Variants in DLGAP1 observed in about 807,000 individuals in gnomAD.
The protein encoded by DLGAP1 is DLG associated protein 1, also known as disks large-associated protein 1.
Under a neutral mutation model 90.8 loss-of-function variants are expected in DLGAP1, and 11 were observed. The observed-to-expected ratio is 0.12, with a 90% CI of 0.08 to 0.20. The LOEUF (loss-of-function observed/expected upper bound fraction) is 0.20, where lower values mean the gene tolerates loss of function less well. Among genes scored for constraint, DLGAP1 ranks in the 10% least tolerant of loss-of-function variants. The probability of loss-of-function intolerance (pLI) is 1.00; values close to 1 mark genes in which losing one functional copy is unlikely to be tolerated. For missense variants in DLGAP1, 1,050 were observed against 1,333.8 expected, an observed-to-expected ratio of 0.79 and a Z score of 3.31; for synonymous variants, 558 against 540.7, an observed-to-expected ratio of 1.03 and a Z score of -0.44.
At chr18:3,888,604 C>T (rs1045948539) in intron 3 of DLGAP1, among the ~76,000 whole-genome samples, 10 of 150,890 alleles carry the variant, frequency 6.6e-5, no homozygotes, top group Admixed American at 2.0e-4. Context: ...AATTTGGTCA[C>T]AGTAGGCAGC....
Position 4,228,791 on chromosome 18 carries a change from T to C in DLGAP1, c.-266-77504A>G, listed in dbSNP as rs151094885. On this transcript the variant is annotated intron_variant, in intron 1 of 12. Transcript: ENST00000315677. Reference sequence around the variant, plus strand: ...TCTAAGATCTGGTAAGCAACAAGCATGTACACTTTCAGCACTTTTATTCAA... The same window carrying C: ...TCTAAGATCTGGTAAGCAACAAGCACGTACACTTTCAGCACTTTTATTCAA... Among the ~76,000 whole-genome samples, 1,006 of 152,050 alleles carry C rather than the reference T, an allele frequency of 6.6e-3. 9 individuals carry two copies. The highest frequency in any genetic ancestry group is 0.023 in the African/African-American group (955 of 41,516).
intron 7 of DLGAP1, among the ~76,000 whole-genome samples, chr18:3,715,036 G>C (rs2061717596): frequency 6.6e-6 from 1 of 152,170 alleles, no homozygotes; most frequent in Admixed American, 6.5e-5. Context: ...ACAAAATATG[G>C]GTTGGGAATT....
rs2059659968 is a variant in DLGAP1, at chr18:3,660,925, GA to G, written c.1591+68209del. ...CAAATTATGACAGCAATGTTCACAG[GA>G]AACTGTATGATAAGGCACAATAGAG... On this transcript the variant is annotated intron_variant, in intron 7 of 12. Coordinates refer to ENST00000315677, the MANE Select transcript of DLGAP1 (RefSeq NM_004746.4). This position sits in a 1 kb window ranked among gnomAD's most constrained non-coding sequence, Gnocchi z 4.2. 6.6e-6 allele frequency among the ~76,000 whole-genome samples: 1 copy of G among 152,186 alleles called. No homozygotes were observed. The highest frequency in any genetic ancestry group is 2.1e-4 in the South Asian group (1 of 4,828).
intron 1 of DLGAP1, among the ~76,000 whole-genome samples, chr18:4,188,730 A>T (rs1488548475): frequency 1.3e-5 from 2 of 152,086 alleles, no homozygotes; most frequent in Non-Finnish European, 2.9e-5. Flanking sequence ...GGGCATTTGG[A>T]TTGGTTCCAA....
chr18:4,433,286 T>C (rs2083330455), intron 1 of DLGAP1, among the ~76,000 whole-genome samples: 1 of 152,238 alleles, frequency 6.6e-6, no homozygotes, highest in Non-Finnish European at 1.5e-5. Context: ...AAGGGACTAA[T>C]GCTCTTTGGG....
intron 1 of DLGAP1, among the ~76,000 whole-genome samples, chr18:4,367,001 T>C (rs2081785788): frequency 5.5e-5 from 1 of 18,296 alleles, no homozygotes; most frequent in South Asian, 3.4e-3. Flanking sequence ...GCTCTGTCAA[T>C]GGCAAAAAAA....
intron 1 of DLGAP1, among the ~76,000 whole-genome samples, chr18:4,289,118 T>C (rs143840150): frequency 7.9e-5 from 12 of 152,270 alleles, no homozygotes; most frequent in African/African-American, 2.6e-4. Flanking sequence ...TTCTGACCTA[T>C]TTCAGAGCCT....
At chr18:3,753,575 A>G (rs1458907276) in intron 5 of DLGAP1, among the ~76,000 whole-genome samples, 4 of 152,182 alleles carry the variant, frequency 2.6e-5, no homozygotes, top group African/African-American at 9.7e-5. Flanking sequence ...AATCTAGAAG[A>G]CTTTATGCAT....
At chr18:4,190,177 A>T (rs962351114) in intron 1 of DLGAP1, among the ~76,000 whole-genome samples, 4 of 152,154 alleles carry the variant, frequency 2.6e-5, no homozygotes, top group African/African-American at 9.6e-5. Context: ...GATATTATTC[A>T]GTAATGTGAA....
At chr18:4,244,577 A>G (rs1240855247) in intron 1 of DLGAP1, among the ~76,000 whole-genome samples, 1 of 152,170 alleles carries the variant, frequency 6.6e-6, no homozygotes, top group Non-Finnish European at 1.5e-5. Flanking sequence ...ATGGCAATGA[A>G]AATAAAATAA....
intron 2 of DLGAP1, among the ~76,000 whole-genome samples, chr18:4,135,183 T>A (rs1325674329): frequency 6.6e-6 from 1 of 152,054 alleles, no homozygotes; most frequent in African/African-American, 2.4e-5. Context: ...GTGAAGGAGA[T>A]TTCATAGATG....
chr18:3,676,384 C>T (rs1400980915), intron 7 of DLGAP1, among the ~76,000 whole-genome samples: 2 of 152,156 alleles, frequency 1.3e-5, no homozygotes, highest in South Asian at 2.1e-4. Flanking sequence ...CTCGGAAGAC[C>T]CTTCTCTCAC....
intron 2 of DLGAP1, among the ~76,000 whole-genome samples, chr18:4,038,480 G>A (rs1012480539): frequency 3.3e-5 from 5 of 152,044 alleles, no homozygotes; most frequent in African/African-American, 7.2e-5. Context: ...CTTGCAGATA[G>A]TTCTGTGTTA....
chr18:3,915,900 T>C (rs1021319369), intron 3 of DLGAP1, among the ~76,000 whole-genome samples: 1 of 152,186 alleles, frequency 6.6e-6, no homozygotes, highest in Non-Finnish European at 1.5e-5. Flanking sequence ...CTTAGATAGA[T>C]GGTAGTTCTA....
intron 1 of DLGAP1, among the ~76,000 whole-genome samples, chr18:4,373,031 G>C (rs908736755): frequency 6.6e-6 from 1 of 152,150 alleles, no homozygotes; most frequent in African/African-American, 2.4e-5. Context: ...GGCACTGGGG[G>C]TGCACGGGTG....
intron 3 of DLGAP1, among the ~76,000 whole-genome samples, chr18:3,933,058 A>G (rs1241415289): frequency 6.6e-6 from 1 of 152,182 alleles, no homozygotes; most frequent in African/African-American, 2.4e-5. Flanking sequence ...GAAACTTTTG[A>G]CCTTGGGAGT....
intron 1 of DLGAP1, among the ~76,000 whole-genome samples, chr18:4,361,078 T>C (rs1217154935): frequency 6.6e-6 from 1 of 152,176 alleles, no homozygotes; most frequent in East Asian, 1.9e-4. Flanking sequence ...ACAGAAATTA[T>C]AGTTTTTCTG....
At chr18:4,091,887 T>A (rs1233550179) in intron 2 of DLGAP1, among the ~76,000 whole-genome samples, 1 of 97,122 alleles carries the variant, frequency 1.0e-5, no homozygotes, top group Non-Finnish European at 2.5e-5. Context: ...TGCCTCTTGA[T>A]CATGTTTTTT....
In DLGAP1 at chr18:4,441,880, G is replaced by A. The variant is rs111616319; in HGVS notation, c.-267+13126C>T. On this transcript the variant is annotated intron_variant, in intron 1 of 12. Transcript: ENST00000315677. ...AACCAATTGTCAGGCACTGGGTTAG[G>A]CATCAGCAGAATATAGAGCCTAGCG... Among the ~76,000 whole-genome samples the A allele has an allele frequency of 7.0e-4, 106 of 152,322 alleles. 1 individual carries two copies. Among genetic ancestry groups the A allele is most frequent in the African/African-American group, 2.5e-3 (102 of 41,570 alleles).
Sources: allele counts gnomAD v4.1 joint callset (sites outside exome capture counted in the v4.1 genomes callset), GRCh38; gene constraint gnomAD v4.1.1; non-coding constraint Gnocchi (gnomAD v3.1); transcripts MANE v1.5; gene names NCBI Gene and HGNC (gene_info 2026-07-23, HGNC 2026-07-21).